The following RAP1GAP2 variants were observed in gnomAD, a reference collection of about 807,000 sequenced individuals.
RAP1GAP2 encodes rap1 GTPase-activating protein 2.
In RAP1GAP2, 27 loss-of-function variants were observed where a neutral mutation model predicts 95.0. That is an observed-to-expected ratio of 0.28 (90% confidence interval 0.21 to 0.39). The LOEUF (loss-of-function observed/expected upper bound fraction) is 0.39. Ranked by LOEUF, RAP1GAP2 falls within the 10% of genes least tolerant of loss-of-function variation. The pLI is 1.00. For synonymous variants in RAP1GAP2, 373 were observed against 380.9 expected (o/e 0.98, Z 0.24); for missense variants, 771 against 970.0 (o/e 0.79, Z 2.72).
intron 3 of RAP1GAP2, among the ~76,000 whole-genome samples, chr17:2,929,887 T>C (rs980995977): frequency 6.6e-6 from 1 of 152,054 alleles, no homozygotes; most frequent in Non-Finnish European, 1.5e-5. Flanking sequence ...AGATCACCAG[T>C]GCACCCACTT....
chr17:2,995,594 C>T (rs112828498), intron 13 of RAP1GAP2, 128 bp downstream of exon 13: 37 of 1,298,660 alleles, frequency 2.8e-5, no homozygotes, highest in Admixed American at 1.1e-4. Flanking sequence ...CGTTCAGCTG[C>T]GCAGCAGCGT....
chr17:2,881,664 A>G (rs1024366561), intron 2 of RAP1GAP2, among the ~76,000 whole-genome samples: 1 of 152,178 alleles, frequency 6.6e-6, no homozygotes, highest in African/African-American at 2.4e-5. Context: ...GCTGGGTCAT[A>G]TGGTAATTGT....
upstream of RAP1GAP2, among the ~76,000 whole-genome samples, chr17:2,795,190 C>CT (rs578206765): frequency 0.019 from 2,704 of 144,336 alleles, 39 homozygotes; most frequent in South Asian, 0.036. Context: ...TCTTCTTCTT[C>CT]TTTTTTTTTT....
chr17:2,926,125 C>CAA (rs990593437), intron 3 of RAP1GAP2, among the ~76,000 whole-genome samples: 2,971 of 59,524 alleles, frequency 0.05, 86 homozygotes, highest in African/African-American at 0.1. Context: ...GCCTCTGTCT[C>CAA]AAAAAAAAAA....
intron 2 of RAP1GAP2, among the ~76,000 whole-genome samples, chr17:2,849,918 C>T (rs1046142870): frequency 4.5e-4 from 69 of 152,000 alleles, no homozygotes; most frequent in African/African-American, 1.5e-3. Context: ...CTTCCCTGTC[C>T]GTTCTCTTTC....
chr17:3,013,010 C>T (rs1330453538), intron 17 of RAP1GAP2, among the ~76,000 whole-genome samples: 1 of 152,176 alleles, frequency 6.6e-6, no homozygotes, highest in East Asian at 1.9e-4. Flanking sequence ...CCTCATCGCA[C>T]AGAGGTGGAG....
chr17:2,938,996 A>G (rs1597664173), intron 3 of RAP1GAP2, among the ~76,000 whole-genome samples: 1 of 152,314 alleles, frequency 6.6e-6, no homozygotes, highest in East Asian at 1.9e-4. Context: ...CAAAAAACAA[A>G]ACAAAACAAA....
chr17:2,922,318 T>C (rs74727017), intron 3 of RAP1GAP2, among the ~76,000 whole-genome samples: 2,510 of 152,346 alleles, frequency 0.016, 81 homozygotes, highest in African/African-American at 0.057. Context: ...CCCTAGGCCT[T>C]GCCTTCTAAT....
intron 3 of RAP1GAP2, among the ~76,000 whole-genome samples, chr17:2,931,656 GGACT>G (rs1179883989): frequency 1.3e-5 from 2 of 152,170 alleles, no homozygotes; most frequent in South Asian, 2.1e-4. Flanking sequence ...GGGAGCTTGG[GGACT>G]GACTGACTGT....
rs201737125 is a variant in RAP1GAP2 at position 3,026,482 on chromosome 17, A to C, written c.1980+18A>C. 622 of 1,524,568 alleles carry C rather than the reference A, an allele frequency of 4.1e-4. 12 individuals are homozygous for C. In the East Asian group the frequency reaches 0.015, roughly 36 times the overall value. The allele number at this position is 1,524,568 out of a possible 1,614,324, so 94.4% of individuals were successfully genotyped here. On this transcript the variant is annotated intron_variant, in intron 21 of 24. Coordinates refer to ENST00000254695, the MANE Select transcript of RAP1GAP2 (RefSeq NM_015085.5). ...ACAGTGGGGTAGGTGTGCCCCGTCC[A>C]CCCTTGGGCAGGCACTCTGGGGCGT...
chr17:2,932,689 G>T (rs899785981), intron 3 of RAP1GAP2, among the ~76,000 whole-genome samples: 1 of 150,176 alleles, frequency 6.7e-6, no homozygotes. Flanking sequence ...GGTGGCGGGC[G>T]CCTGTAATCC....
intron 3 of RAP1GAP2, among the ~76,000 whole-genome samples, chr17:2,945,540 T>A (rs989197064): frequency 6.6e-6 from 1 of 152,098 alleles, no homozygotes; most frequent in Non-Finnish European, 1.5e-5. Flanking sequence ...GTTTCCTTGT[T>A]TTGTTGCTAC....
At chr17:2,761,979 C>A (rs1351074591) in intron 1 of RAP1GAP2, among the ~76,000 whole-genome samples, 2 of 77,746 alleles carry the variant, frequency 2.6e-5, no homozygotes, top group Non-Finnish European at 4.8e-5. Context: ...GTTTATATAT[C>A]TTTTTTTTTT....
intron 2 of RAP1GAP2, among the ~76,000 whole-genome samples, chr17:2,858,280 C>A (rs1282742457): frequency 1.3e-5 from 2 of 152,174 alleles, no homozygotes; most frequent in Admixed American, 1.3e-4. Flanking sequence ...ATTCTCTCAT[C>A]ATTTAGCAAA....
intron 1 of RAP1GAP2, among the ~76,000 whole-genome samples, chr17:2,799,423 A>T (rs530372673): frequency 6.6e-6 from 1 of 152,276 alleles, no homozygotes; most frequent in South Asian, 2.1e-4. Flanking sequence ...CCCGTCCCCT[A>T]GCTCCAGGCC....
At chr17:2,938,989 A>G (rs1307301190) in intron 3 of RAP1GAP2, among the ~76,000 whole-genome samples, 1 of 152,192 alleles carries the variant, frequency 6.6e-6, no homozygotes, top group East Asian at 1.9e-4. Flanking sequence ...TCCGTCTCAA[A>G]AAACAAAACA....
intron 1 of RAP1GAP2, among the ~76,000 whole-genome samples, chr17:2,781,724 CTG>C (rs926735522): frequency 8.4e-5 from 12 of 142,340 alleles, no homozygotes; most frequent in East Asian, 4.2e-4. Flanking sequence ...GAGCACGTCT[CTG>C]TGTGTGCACG....
intron 2 of RAP1GAP2, among the ~76,000 whole-genome samples, chr17:2,840,178 A>T (rs569394825): frequency 6.6e-6 from 1 of 150,490 alleles, no homozygotes; most frequent in East Asian, 2.0e-4. Flanking sequence ...ATTGATTGAG[A>T]TGGAGTCTCA....
intron 2 of RAP1GAP2, among the ~76,000 whole-genome samples, chr17:2,889,891 T>TATATATATA (rs1490272485): frequency 1.3e-3 from 60 of 46,650 alleles, no homozygotes; most frequent in South Asian, 8.3e-3. Context: ...ATATATATAT[T>TATATATATA]TTTTTTTTTT....
Sources: gnomAD v4.1 joint callset for allele counts (sites outside exome capture counted in the v4.1 genomes callset) on GRCh38, gnomAD v4.1.1 for gene constraint, MANE v1.5 for transcripts, NCBI Gene and HGNC (gene_info 2026-07-23, HGNC 2026-07-21) for gene names.